Variants in ZNF431 observed in about 807,000 individuals in gnomAD.
ZNF431 encodes the protein zinc finger protein 431.
Under a neutral mutation model 57.0 loss-of-function variants are expected in ZNF431, and 34 were observed. The ratio of observed to expected loss-of-function variants is 0.60; its 90% CI spans 0.45 to 0.79. The LOEUF is 0.79. ZNF431 is among the 30% of genes least tolerant of loss of function. The probability of loss-of-function intolerance (pLI) is 0.00; values close to 1 mark genes in which losing one functional copy is unlikely to be tolerated. For synonymous variants in ZNF431, 207 were observed against 220.3 expected (o/e 0.94, Z 0.54); for missense variants, 607 against 667.1 (o/e 0.91, Z 0.99).
intron 2 of ZNF431, among the ~76,000 whole-genome samples, chr19:21,161,550 TCTTAGGTAAA>T (rs1858500148): frequency 1.3e-5 from 2 of 152,352 alleles, no homozygotes; most frequent in South Asian, 4.1e-4. Flanking sequence ...TTTTAGTTTC[TCTTAGGTAAA>T]CTTAGGAAAA....
At chr19:21,155,339 A>G (rs1223093429) in intron 2 of ZNF431, among the ~76,000 whole-genome samples, 1 of 152,164 alleles carries the variant, frequency 6.6e-6, no homozygotes, top group African/African-American at 2.4e-5. Flanking sequence ...GTAGATATGC[A>G]GCATTATTTC....
intron 2 of ZNF431, among the ~76,000 whole-genome samples, chr19:21,146,359 G>A (rs962345502): frequency 5.4e-5 from 8 of 147,856 alleles, no homozygotes; most frequent in African/African-American, 1.0e-4. Flanking sequence ...GTAGTGAGCC[G>A]AGACCGTGCC....
At chr19:21,181,016 A>G (rs1345231315) in intron 4 of ZNF431, among the ~76,000 whole-genome samples, 4 of 151,542 alleles carry the variant, frequency 2.6e-5, no homozygotes, top group Non-Finnish European at 4.4e-5. Flanking sequence ...CAAATTTGTC[A>G]TTGATGTTGC....
At chr19:21,150,190 CTGGGTGA>C (rs1599577381) in intron 2 of ZNF431, 2 of 569,054 alleles carry the variant, frequency 3.5e-6, no homozygotes, top group East Asian at 4.0e-5. Flanking sequence ...GGTCCAGGCC[CTGGGTGA>C]ACTGGTTAAT....
rs1250095986 is a variant in ZNF431, at chr19:21,189,497, C to T, written c.*5463C>T. ...CTATCAAAAAAAAAAAAAACTTTAC[C>T]TCATATGGTGAACATTTTTGTTTTG... On this transcript the variant is annotated 3_prime_UTR_variant, in exon 5 of 5. Coordinates refer to ENST00000311048, the MANE Select transcript of ZNF431 (RefSeq NM_133473.4). 6.4e-6 allele frequency: 1 copy of T among 155,874 alleles called. No individual in the cohort carries two copies. The highest frequency in any genetic ancestry group is 1.4e-5 in the Non-Finnish European group (1 of 70,622). 9.7% of individuals were successfully genotyped at this position (155,874 alleles called of 1,614,324 possible).
Position 21,182,864 on chromosome 19 carries a change from A to T in ZNF431, c.561A>T (p.Lys187Asn), listed in dbSNP as rs1316694567. The change falls in exon 5 of 5, where the codon AAA becomes AAT. Residue 187 changes from lysine (K) to asparagine (N), a missense_variant. Lys to Asn is a moderately conservative substitution (Grantham distance 94). Transcript: ENST00000311048. ...PCDKYVKVFH[K>N]FLNANRHKTR... The stretch of plus-strand genomic sequence containing the variant: ...ATAAATATGTGAAAGTCTTTCATAA[A>T]TTTTTAAATGCAAATAGACATAAGA... The T allele has an allele frequency of 6.2e-7, 1 of 1,613,888 alleles. No homozygotes were observed. The highest frequency in any genetic ancestry group is 1.3e-5 in the African/African-American group (1 of 74,944).
intron 4 of ZNF431, among the ~76,000 whole-genome samples, chr19:21,181,902 A>G (rs943744133): frequency 4.6e-5 from 7 of 152,180 alleles, no homozygotes; most frequent in Admixed American, 4.6e-4. Context: ...TACCTGTCAC[A>G]TTGTTTATAA....
At position 21,185,866 on chromosome 19, in the gene ZNF431, TAC is replaced by T. The variant is rs1971359924; in HGVS notation, c.*1835_*1836del. 6.8e-6 allele frequency: 1 copy of T among 146,392 alleles called. No homozygotes were observed. The highest frequency in any genetic ancestry group is 1.5e-5 in the Non-Finnish European group (1 of 67,022). The allele number at this position is 146,392 out of a possible 1,614,324, so 9.1% of individuals were successfully genotyped here. A position where few individuals can be genotyped will look rare whatever the true frequency, so the allele number is the denominator to read the frequency against. On this transcript the variant is annotated 3_prime_UTR_variant, in exon 5 of 5. Transcript: ENST00000311048. The stretch of plus-strand genomic sequence containing the variant: ...CTTTGTTTTACAAACAATCCAATTC[TAC>T]ACTTTAAAAAAAAATTTTTAAATGT...
Position 21,182,995 on chromosome 19 carries a change from C to A in ZNF431, c.692C>A (p.Ser231Tyr), listed in dbSNP as rs778122099. 1 of 1,614,096 alleles carries A rather than the reference C, an allele frequency of 6.2e-7. No individual in the cohort carries two copies. The highest frequency in any genetic ancestry group is 2.2e-5 in the East Asian group (1 of 44,868). The change falls in exon 5 of 5, where the codon TCT (serine) becomes TAT (tyrosine). Residue 231 changes from serine (S) to tyrosine (Y), a missense_variant. Transcript: ENST00000311048. ...AAAAGAATTCATATTAGAGAGAATTCTTACCAATGTGAAGAATGTGGCAAA... is the reference window on the plus strand; with the variant it reads ...AAAAGAATTCATATTAGAGAGAATTATTACCAATGTGAAGAATGTGGCAAA... ...QHKRIHIREN[S>Y]YQCEECGKAF... is the part of the protein sequence containing the mutation.
chr19:21,183,604 G>A lies in ZNF431; in HGVS notation c.1301G>A (p.Gly434Asp), dbSNP rs373075649. Residue 434 changes from glycine (G) to aspartate (D), a missense_variant, in exon 5 of 5, where the codon GGC (glycine) becomes GAC (aspartate). Transcript: ENST00000311048. ...GEKPYKCEEC[G>D]KAFNRSPQLT... Reference sequence around the variant, plus strand: ...AAACCCTACAAATGTGAAGAATGTGGCAAAGCTTTTAACCGGTCCCCACAA... The same window carrying A: ...AAACCCTACAAATGTGAAGAATGTGACAAAGCTTTTAACCGGTCCCCACAA... 6.2e-7 allele frequency: 1 copy of A among 1,612,786 alleles called. No individual in the cohort carries two copies. The highest frequency in any genetic ancestry group is 8.5e-7 in the Non-Finnish European group (1 of 1,179,844).
intron 2 of ZNF431, among the ~76,000 whole-genome samples, chr19:21,146,857 C>G (rs1347612192): frequency 6.6e-6 from 1 of 152,156 alleles, no homozygotes; most frequent in African/African-American, 2.4e-5. Context: ...TAGATGTGCT[C>G]TGGTTCCTCT....
rs148900423 is a variant in ZNF431 at position 21,153,810 on chromosome 19, G to A, written c.96+10167G>A. ...TGGCTCACCGCAACCTCTGCCTTCCGAGTTCAAGCGATTCTCCTGCCTCAG... is the reference window on the plus strand; with the variant it reads ...TGGCTCACCGCAACCTCTGCCTTCCAAGTTCAAGCGATTCTCCTGCCTCAG... On this transcript the variant is annotated intron_variant, in intron 2 of 4. Transcript: ENST00000311048. Among the ~76,000 whole-genome samples, 961 of 152,196 alleles carry A rather than the reference G, an allele frequency of 6.3e-3. 16 individuals are homozygous for A. The highest frequency in any genetic ancestry group is 0.022 in the African/African-American group (933 of 41,524).
At chr19:21,162,183 TG>T (rs1275347449) in intron 2 of ZNF431, among the ~76,000 whole-genome samples, 4 of 150,612 alleles carry the variant, frequency 2.7e-5, no homozygotes, top group Non-Finnish European at 4.4e-5. Flanking sequence ...TGTGTGTGTG[TG>T]TTTTCTTGAA....
At position 21,182,658 on chromosome 19, in the gene ZNF431, G is replaced by A. The variant is rs550454282; in HGVS notation, c.355G>A (p.Glu119Lys). Reference protein sequence around the residue: ...CSYFTKDLWPEQDIKDSFQQV... With the variant: ...CSYFTKDLWPKQDIKDSFQQV... Reference sequence around the variant, plus strand: ...TTATTTTACCAAAGACCTTTGGCCAGAGCAAGACATAAAAGATTCTTTTCA... The same window carrying A: ...TTATTTTACCAAAGACCTTTGGCCAAAGCAAGACATAAAAGATTCTTTTCA... Residue 119 changes from glutamate (E) to lysine (K), a missense_variant, in exon 5 of 5, where the codon GAG (glutamate) becomes AAG (lysine). Physicochemically the swap from Glu to Lys is moderately conservative, Grantham distance 56. Transcript: ENST00000311048. 17 of 1,611,524 alleles carry A rather than the reference G, an allele frequency of 1.1e-5. No individual in the cohort carries two copies. In the East Asian group the frequency reaches 1.8e-4, roughly 17 times the overall value.
chr19:21,184,123 G>A lies in ZNF431; in HGVS notation c.*89G>A, dbSNP rs973185100. The A allele has an allele frequency of 4.3e-6, 5 of 1,168,840 alleles. No homozygotes were observed. The highest frequency in any genetic ancestry group is 6.0e-6 in the Non-Finnish European group (5 of 839,780). The allele number at this position is 1,168,840 out of a possible 1,614,324, so 72.4% of individuals were successfully genotyped here. A position where few individuals can be genotyped will look rare whatever the true frequency, so the allele number is the denominator to read the frequency against. Reference sequence around the variant, plus strand: ...TCCCAGCATTTTGGGAGGCTGAGGTGGGTGGATCACAAGGTCAAGAGATCG... The same window carrying A: ...TCCCAGCATTTTGGGAGGCTGAGGTAGGTGGATCACAAGGTCAAGAGATCG... On this transcript the variant is annotated 3_prime_UTR_variant, in exon 5 of 5. Coordinates refer to ENST00000311048, the MANE Select transcript of ZNF431 (RefSeq NM_133473.4).
intron 4 of ZNF431, among the ~76,000 whole-genome samples, chr19:21,168,956 G>C (rs925425610): frequency 6.6e-6 from 1 of 151,454 alleles, no homozygotes; most frequent in Non-Finnish European, 1.5e-5. Context: ...GTGTTGCCTA[G>C]GCTGGAGTGC....
rs2071741403 is a variant in ZNF431 at position 21,192,255 on chromosome 19, G to T, written c.*8221G>T. 1 of 152,144 alleles carries T rather than the reference G, an allele frequency of 6.6e-6. No individual in the cohort carries two copies. Among genetic ancestry groups the T allele is most frequent in the African/African-American group, 2.4e-5 (1 of 41,444 alleles). The allele number at this position is 152,144 out of a possible 1,614,324, so 9.4% of individuals were successfully genotyped here. Reference sequence around the variant, plus strand: ...ACGATCTTGGCTCACTGCAACCTCTGCCTCCCTGGCTGAAGCGGTTCTCCT... The same window carrying T: ...ACGATCTTGGCTCACTGCAACCTCTTCCTCCCTGGCTGAAGCGGTTCTCCT... On this transcript the variant is annotated 3_prime_UTR_variant, in exon 5 of 5. Transcript: ENST00000311048.
rs1971536434 is a variant in ZNF431, at chr19:21,192,988, A to G, written c.*8954A>G. Reference sequence around the variant, plus strand: ...GGAGAAAATAAATAAACTCCTGGAAACATACAACTTTCCAGGATTAAACCA... The same window carrying G: ...GGAGAAAATAAATAAACTCCTGGAAGCATACAACTTTCCAGGATTAAACCA... On this transcript the variant is annotated 3_prime_UTR_variant, in exon 5 of 5. Transcript: ENST00000311048. 6.6e-6 allele frequency: 1 copy of G among 152,224 alleles called. No individual in the cohort carries two copies. The highest frequency in any genetic ancestry group is 2.4e-5 in the African/African-American group (1 of 41,450). 9.4% of individuals were successfully genotyped at this position (152,224 alleles called of 1,614,324 possible). A position where few individuals can be genotyped will look rare whatever the true frequency, so the allele number is the denominator to read the frequency against.
chr19:21,182,704 A>T lies in ZNF431; in HGVS notation c.401A>T (p.Tyr134Phe). The T allele has an allele frequency of 1.9e-6, 3 of 1,613,926 alleles. No individual in the cohort carries two copies. Among genetic ancestry groups the T allele is most frequent in the Non-Finnish European group, 2.5e-6 (3 of 1,179,858 alleles). Residue 134 changes from tyrosine (Y) to phenylalanine (F), a missense_variant, in exon 5 of 5, where the codon TAT becomes TTT. Coordinates refer to ENST00000311048, the MANE Select transcript of ZNF431 (RefSeq NM_133473.4). ...TTTCAACAAGTAATACTGAGAAGAT[A>T]TGGCAAATGTGAACATGAGAATTTA... ...DSFQQVILRR[Y>F]GKCEHENLQL... is the part of the protein sequence containing the mutation.
Sources: gnomAD v4.1 joint callset for allele counts (sites outside exome capture counted in the v4.1 genomes callset) on GRCh38, gnomAD v4.1.1 for gene constraint, MANE v1.5 for transcripts, NCBI Gene and HGNC (gene_info 2026-07-23, HGNC 2026-07-21) for gene names.